CNIH3: variants seen among roughly 807,000 people sequenced by gnomAD.
CNIH3 encodes the protein cornichon family AMPA receptor auxiliary protein 3.
In CNIH3, 14 loss-of-function variants were observed where a neutral mutation model predicts 24.1. The ratio of observed to expected loss-of-function variants is 0.58; its 90% CI spans 0.38 to 0.91. CNIH3 has a LOEUF of 0.91. Ranked by LOEUF, CNIH3 falls within the 40% of genes least tolerant of loss-of-function variation. The pLI, the probability that CNIH3 is intolerant of heterozygous loss-of-function variation, is 0.00. For missense variants in CNIH3, 178 were observed against 196.8 expected (o/e 0.90, Z 0.57); for synonymous variants, 68 against 73.8 (o/e 0.92, Z 0.40).
intron 1 of CNIH3, among the ~76,000 whole-genome samples, chr1:224,486,127 AC>A (rs1407281023): frequency 3.3e-5 from 5 of 152,064 alleles, no homozygotes; most frequent in Non-Finnish European, 7.4e-5. Flanking sequence ...GTGTTTTGAG[AC>A]AGGGTCTGGC....
intron 3 of CNIH3, among the ~76,000 whole-genome samples, chr1:224,686,298 T>C (rs1351847363): frequency 6.6e-6 from 1 of 152,056 alleles, no homozygotes; most frequent in Non-Finnish European, 1.5e-5. Context: ...AGAATGATGG[T>C]TTCCAGCTTC....
chr1:224,676,153 G>A (rs1686129350), intron 1 of CNIH3, among the ~76,000 whole-genome samples: 1 of 152,180 alleles, frequency 6.6e-6, no homozygotes, highest in Admixed American at 6.5e-5. Flanking sequence ...ATACTACTTG[G>A]CAGTAAAAGG....
chr1:224,579,445 T>C lies in CNIH3; in HGVS notation n.517-3719T>C, dbSNP rs574522610. ...AGAACTTCTTTGACAAATCTCTTTA[T>C]GTCAGTATCTCTAGGTCATTTGTAT... On this transcript the variant is annotated intron_variant and non_coding_transcript_variant, in intron 4 of 5. Coordinates refer to the CNIH3 transcript ENST00000471578. Among the ~76,000 whole-genome samples, 3 of 152,320 alleles carry C rather than the reference T, an allele frequency of 2.0e-5. No individual in the cohort carries two copies. The South Asian group carries it at 6.2e-4, about 32-fold the overall frequency.
At chr1:224,640,485 A>G (rs569876864) in intron 1 of CNIH3, among the ~76,000 whole-genome samples, 31 of 152,352 alleles carry the variant, frequency 2.0e-4, no homozygotes, top group Non-Finnish European at 3.8e-4. Flanking sequence ...AGTTTGGAGA[A>G]GGCACATGCG....
At position 224,510,332 on chromosome 1, in the gene CNIH3, C is replaced by T. The variant is rs553664785; in HGVS notation, n.204-5409C>T. Among the ~76,000 whole-genome samples, 5 of 152,144 alleles carry T rather than the reference C, an allele frequency of 3.3e-5. No homozygotes were observed. The East Asian group carries it at 7.7e-4, about 24-fold the overall frequency. On this transcript the variant is annotated intron_variant and non_coding_transcript_variant, in intron 1 of 5. Coordinates refer to the CNIH3 transcript ENST00000471578. The stretch of plus-strand genomic sequence containing the variant: ...GGCAGGCATGGAGTGTCAGTAGGGG[C>T]GCCCCGTGGTCAGCGTTGTGTTTTA...
At chr1:224,693,564 C>T (rs1187951677) in intron 3 of CNIH3, among the ~76,000 whole-genome samples, 4 of 152,102 alleles carry the variant, frequency 2.6e-5, no homozygotes, top group African/African-American at 9.7e-5. Flanking sequence ...GCCTCAGACA[C>T]ATCTCATCCT....
At chr1:224,689,102 C>T (rs1229213916) in intron 3 of CNIH3, among the ~76,000 whole-genome samples, 1 of 152,144 alleles carries the variant, frequency 6.6e-6, no homozygotes, top group Non-Finnish European at 1.5e-5. Context: ...CTGCTCTCAG[C>T]CACTTCCGGG....
At chr1:224,539,281 C>T (rs1679419122), downstream of CNIH3, among the ~76,000 whole-genome samples, 1 of 152,204 alleles carries the variant, frequency 6.6e-6, no homozygotes, top group Non-Finnish European at 1.5e-5. Context: ...GTTCTCCATT[C>T]TCTTTAAACT....
intron 5 of CNIH3, among the ~76,000 whole-genome samples, chr1:224,737,723 G>A (rs930355576): frequency 6.6e-5 from 10 of 152,258 alleles, no homozygotes; most frequent in African/African-American, 1.7e-4. Flanking sequence ...TGAGGACTTC[G>A]GAGAGGTTAA....
intron 1 of CNIH3, among the ~76,000 whole-genome samples, chr1:224,488,129 A>C (rs1238141954): frequency 6.6e-6 from 1 of 151,818 alleles, no homozygotes; most frequent in African/African-American, 2.4e-5. Context: ...ATATGATACG[A>C]GCTACTAAAG....
intron 2 of CNIH3, among the ~76,000 whole-genome samples, chr1:224,543,582 G>T (rs1679594391): frequency 6.9e-6 from 1 of 145,874 alleles, no homozygotes; most frequent in Non-Finnish European, 1.5e-5. Flanking sequence ...ACTCTGGGTG[G>T]TTAGTGTCAG....
At chr1:224,626,629 G>A (rs1362023716) in intron 1 of CNIH3, among the ~76,000 whole-genome samples, 1 of 152,180 alleles carries the variant, frequency 6.6e-6, no homozygotes, top group African/African-American at 2.4e-5. Flanking sequence ...CATGGGGATT[G>A]AAGACTAATC....
At chr1:224,637,142 A>G (rs1684125728) in intron 1 of CNIH3, among the ~76,000 whole-genome samples, 1 of 151,662 alleles carries the variant, frequency 6.6e-6, no homozygotes, top group Non-Finnish European at 1.5e-5. Context: ...TTTAGTAGAG[A>G]CGGGGTTTCA....
chr1:224,657,136 A>C (rs562746442), intron 1 of CNIH3, among the ~76,000 whole-genome samples: 1 of 152,104 alleles, frequency 6.6e-6, no homozygotes, highest in African/African-American at 2.4e-5. Context: ...CCAGGGTGGT[A>C]TGGCTACCTG....
chr1:224,700,653 C>T (rs761948919), intron 3 of CNIH3, among the ~76,000 whole-genome samples: 1 of 152,178 alleles, frequency 6.6e-6, no homozygotes, highest in Non-Finnish European at 1.5e-5. Context: ...AAGTTATCCT[C>T]AGTAAAGTCT....
chr1:224,496,560 C>T (rs187320943), intron 1 of CNIH3, among the ~76,000 whole-genome samples: 92 of 152,296 alleles, frequency 6.0e-4, no homozygotes, highest in African/African-American at 2.1e-3. Context: ...GCCAGATGGT[C>T]CCTGAATCAG....
At chr1:224,737,995 G>A (rs991793162) in intron 5 of CNIH3, among the ~76,000 whole-genome samples, 6 of 152,214 alleles carry the variant, frequency 3.9e-5, no homozygotes, top group Non-Finnish European at 5.9e-5. Flanking sequence ...ACCCTCCTGC[G>A]TGGTTATTCT....
intron 3 of CNIH3, chr1:224,565,618 C>G (rs948467906): frequency 6.6e-6 from 1 of 152,494 alleles, no homozygotes; most frequent in South Asian, 2.1e-4. Flanking sequence ...ATACTCCCCT[C>G]CCTCAGCCCA....
At chr1:224,495,233 C>G (rs1021176024) in intron 1 of CNIH3, among the ~76,000 whole-genome samples, 2 of 152,198 alleles carry the variant, frequency 1.3e-5, no homozygotes, top group Non-Finnish European at 2.9e-5. Flanking sequence ...TGAGCCCAGT[C>G]CTGATCCCAG....
Sources: allele counts gnomAD v4.1 joint callset (sites outside exome capture counted in the v4.1 genomes callset), GRCh38; gene constraint gnomAD v4.1.1; transcripts MANE v1.5; gene names NCBI Gene and HGNC (gene_info 2026-07-23, HGNC 2026-07-21).